Variants in LBR observed in about 807,000 individuals in gnomAD.
LBR encodes the protein delta(14)-sterol reductase LBR.
In LBR, 28 loss-of-function variants were observed where a neutral mutation model predicts 74.3. The observed-to-expected ratio is 0.38, with a 90% CI of 0.28 to 0.52. The LOEUF (loss-of-function observed/expected upper bound fraction) is 0.52, where lower values mean the gene tolerates loss of function less well. Among genes scored for constraint, LBR ranks in the 20% least tolerant of loss-of-function variants. The pLI is 0.89. For synonymous variants in LBR, 228 were observed against 269.3 expected (o/e 0.85, Z 1.50); for missense variants, 717 against 760.3 (o/e 0.94, Z 0.67).
At chr1:225,419,830 A>G (rs2096124385) in intron 3 of LBR, 32 bp from the exon 4 acceptor site, 1 of 1,410,108 alleles carries the variant, frequency 7.1e-7, no homozygotes, top group Admixed American at 1.7e-5. Flanking sequence ...TTTAATCAAA[A>G]GAACTGTAAC....
In LBR at chr1:225,404,472, C is replaced by T; in HGVS notation, c.1619G>A (p.Trp540Ter). ...GTAATTGGGGTGGCGAACAAAGCCC[C>T]ACCATCCAGAAACTAGAAGATTTTT... ...TGKNLLVSGW[W>*]GFVRHPNYLG... Residue 540 changes from tryptophan to a stop codon, truncating the protein, a stop_gained, in exon 13 of 14, where the codon TGG becomes TAG. Transcript: ENST00000272163. LOFTEE classifies it high-confidence loss of function. 6.2e-7 allele frequency: 1 copy of T among 1,614,012 alleles called. No homozygotes were observed. The highest frequency in any genetic ancestry group is 8.5e-7 in the Non-Finnish European group (1 of 1,179,930).
At chr1:225,403,588 G>T (rs1355606913) in intron 13 of LBR, 125 bp from the exon 14 acceptor site, 3 of 732,182 alleles carry the variant, frequency 4.1e-6, no homozygotes, top group Admixed American at 2.5e-5. Flanking sequence ...TAATAATGAT[G>T]AGAATAATTA....
In LBR at chr1:225,424,002, A is replaced by G; in HGVS notation, c.74T>C (p.Val25Ala). ...GGTGCTGTCGTGGCTCAGAATTTCT[A>G]CTTCATAATAAAGTGAACTCCCAGG... ...RWPGSSLYYE[V>A]EILSHDSTSQ... The change falls in exon 2 of 14, where the codon GTA becomes GCA. Residue 25 changes from valine to alanine, a missense_variant. By Grantham distance (64) the Val-to-Ala change is moderately conservative (BLOSUM62 0). Coordinates refer to ENST00000272163, the MANE Select transcript of LBR (RefSeq NM_002296.4). The G allele has an allele frequency of 1.9e-6, 3 of 1,614,002 alleles. No individual in the cohort carries two copies. Among genetic ancestry groups the G allele is most frequent in the Non-Finnish European group, 1.7e-6 (2 of 1,179,886 alleles).
intron 2 of LBR, 175 bp from the exon 3 acceptor site, chr1:225,422,452 A>G (rs989623607): frequency 2.5e-5 from 16 of 639,644 alleles, no homozygotes; most frequent in Non-Finnish European, 4.2e-5. Flanking sequence ...ATGCTTTCAT[A>G]ATGATCCATC....
chr1:225,419,419 T>C lies in LBR; in HGVS notation c.484A>G (p.Ile162Val). ...GGACGAAGGCTATACTGTGTTGCTATGTAACTGCTTTCTTGTGACAAACTG... is the reference window on the plus strand; with the variant it reads ...GGACGAAGGCTATACTGTGTTGCTACGTAACTGCTTTCTTGTGACAAACTG... Reference protein sequence around the residue: ...KFSLSQESSYIATQYSLRPRR... With the variant: ...KFSLSQESSYVATQYSLRPRR... The change falls in exon 5 of 14, where the codon ATA becomes GTA. Residue 162 changes from isoleucine (I) to valine (V), a missense_variant. Ile to Val is a conservative substitution (Grantham distance 29, BLOSUM62 3). Transcript: ENST00000272163. 2 of 1,613,464 alleles carry C rather than the reference T, an allele frequency of 1.2e-6. No homozygotes were observed. Among genetic ancestry groups the C allele is most frequent in the Non-Finnish European group, 1.7e-6 (2 of 1,179,412 alleles).
In LBR at chr1:225,403,395, G is replaced by A. The variant is rs199675363; in HGVS notation, c.1756C>T (p.Arg586Cys). Residue 586 changes from arginine to cysteine, a missense_variant, in exon 14 of 14, where the codon CGT becomes TGT. By Grantham distance (180) the Arg-to-Cys change is radical. Transcript: ENST00000272163. ...FTMLLVHREA[R>C]DEYHCKKKYG... ...TTCTTCTTACAGTGGTACTCGTCAC[G>A]AGCTTCTCGGTGGACAAGCAACATG... 42 of 1,613,348 alleles carry A rather than the reference G, an allele frequency of 2.6e-5. 1 individual carries two copies. The highest frequency in any genetic ancestry group is 1.2e-4 in the South Asian group (11 of 91,038).
rs2096105716 is a variant in LBR, at chr1:225,411,571, G to T, written c.1085-131C>A. 9 of 745,018 alleles carry T rather than the reference G, an allele frequency of 1.2e-5. No homozygotes were observed. The South Asian group carries it at 1.3e-4, about 11-fold the overall frequency. The allele number at this position is 745,018 out of a possible 1,614,324, so 46.2% of individuals were successfully genotyped here. On this transcript the variant is annotated intron_variant, in intron 8 of 13. Coordinates refer to ENST00000272163, the MANE Select transcript of LBR (RefSeq NM_002296.4). ...AGACCCTGAGCAGGGCTCTGGTGGT[G>T]AGAGGCAGACAGGACGGCACAGACG...
In LBR at chr1:225,410,568, G is replaced by C; in HGVS notation, c.1189-152C>G. ...AGGAATAAGACATCTCAGCACCATG[G>C]GCCCCTGGACCCAATGCACTGAGAA... On this transcript the variant is annotated intron_variant, in intron 9 of 13. Coordinates refer to ENST00000272163, the MANE Select transcript of LBR (RefSeq NM_002296.4). 6 of 775,752 alleles carry C rather than the reference G, an allele frequency of 7.7e-6. 1 individual carries two copies. The South Asian group carries it at 8.8e-5, about 11-fold the overall frequency. The allele number at this position is 775,752 out of a possible 1,614,324, so 48.1% of individuals were successfully genotyped here.
chr1:225,418,955 C>T (rs558791634), intron 5 of LBR, among the ~76,000 whole-genome samples: 1 of 152,358 alleles, frequency 6.6e-6, no homozygotes, highest in South Asian at 2.1e-4. Context: ...CTATGCTATA[C>T]AAACTCCCAG....
chr1:225,426,987 C>T (rs1309964143), intron 1 of LBR, among the ~76,000 whole-genome samples: 2 of 134,582 alleles, frequency 1.5e-5, no homozygotes, highest in Non-Finnish European at 3.3e-5. Flanking sequence ...CTCCCACACA[C>T]CAGTTACTAC....
At position 225,423,966 on chromosome 1, in the gene LBR, T is replaced by C; in HGVS notation, c.110A>G (p.Tyr37Cys). 1 of 1,613,976 alleles carries C rather than the reference T, an allele frequency of 6.2e-7. No homozygotes were observed. Among genetic ancestry groups the C allele is most frequent in the Non-Finnish European group, 8.5e-7 (1 of 1,179,812 alleles). Reference sequence around the variant, plus strand: ...TGTTCCATCTTTATACTTCACAGTGTAAAGCTGGGAGGTGCTGTCGTGGCT... The same window carrying C: ...TGTTCCATCTTTATACTTCACAGTGCAAAGCTGGGAGGTGCTGTCGTGGCT... ...ILSHDSTSQLYTVKYKDGTEL... is the reference protein window; with the variant it reads ...ILSHDSTSQLCTVKYKDGTEL... Residue 37 changes from tyrosine to cysteine, a missense_variant, in exon 2 of 14, where the codon TAC becomes TGC. Tyr to Cys is a radical substitution (Grantham distance 194). Transcript: ENST00000272163.
rs200051322 is a variant in LBR, at chr1:225,411,804, CTT to C, written c.1085-366_1085-365del. 7.2e-5 allele frequency among the ~76,000 whole-genome samples: 11 copies of C among 152,266 alleles called. No homozygotes were observed. In the East Asian group the frequency reaches 9.6e-4, roughly 13 times the overall value. On this transcript the variant is annotated intron_variant, in intron 8 of 13. Coordinates refer to ENST00000272163, the MANE Select transcript of LBR (RefSeq NM_002296.4). ...AACCAATTTGTAACCTCTCGTTTCT[CTT>C]GTTTTTTGTTTGTTTTGTTTTGAGA...
chr1:225,415,335 T>G lies in LBR; in HGVS notation c.838-3A>C, dbSNP rs1227295281. On this transcript the variant is annotated splice_region_variant and splice_polypyrimidine_tract_variant and intron_variant, in intron 6 of 13. Transcript: ENST00000272163. ...ATAAGAGGCGTTCCTTCTACAACCT[T>G]AAAAGAAAAAAAATTTACAAATTTA... The G allele has an allele frequency of 1.8e-5, 28 of 1,566,500 alleles. No homozygotes were observed. Among genetic ancestry groups the G allele is most frequent in the Non-Finnish European group, 2.5e-5 (28 of 1,141,150 alleles).
At chr1:225,409,231 G>A (rs2096099312) in intron 10 of LBR, among the ~76,000 whole-genome samples, 1 of 152,184 alleles carries the variant, frequency 6.6e-6, no homozygotes, top group Non-Finnish European at 1.5e-5. Context: ...TGGTAGGAGC[G>A]CAACAGGAAC....
At chr1:225,409,864 G>A (rs1405816596) in intron 10 of LBR, among the ~76,000 whole-genome samples, 4 of 152,102 alleles carry the variant, frequency 2.6e-5, no homozygotes, top group Admixed American at 2.0e-4. Flanking sequence ...TCTAATTAGA[G>A]CTAGTCTTTG....
At chr1:225,426,916 A>C (rs1314693145) in intron 1 of LBR, among the ~76,000 whole-genome samples, 2 of 152,034 alleles carry the variant, frequency 1.3e-5, no homozygotes, top group African/African-American at 4.8e-5. Flanking sequence ...ACAAAACTTA[A>C]ACTGGACTTG....
At chr1:225,417,938 T>G in intron 6 of LBR, 46 bp downstream of exon 6, 6 of 1,561,174 alleles carry the variant, frequency 3.8e-6, no homozygotes, top group South Asian at 1.1e-5. Flanking sequence ...GACAATATAG[T>G]GAGACCTCAT....
chr1:225,404,949 T>C (rs1037528886), intron 11 of LBR, among the ~76,000 whole-genome samples: 3 of 152,194 alleles, frequency 2.0e-5, no homozygotes, highest in Admixed American at 6.5e-5. Context: ...TGTAAAAAGA[T>C]GGTAACCCGT....
chr1:225,416,277 C>T (rs936665925), intron 6 of LBR, among the ~76,000 whole-genome samples: 4 of 151,952 alleles, frequency 2.6e-5, no homozygotes, highest in South Asian at 2.1e-4. Flanking sequence ...TCTCTTCATT[C>T]GGCATCACTC....
Sources: gnomAD v4.1 joint callset for allele counts (sites outside exome capture counted in the v4.1 genomes callset) on GRCh38, gnomAD v4.1.1 for gene constraint, MANE v1.5 for transcripts, NCBI Gene and HGNC (gene_info 2026-07-23, HGNC 2026-07-21) for gene names.